Variants in IL12RB2 observed in about 807,000 individuals in gnomAD.
IL12RB2 encodes the protein interleukin 12 receptor subunit beta 2, also known as interleukin-12 receptor subunit beta-2.
Under a neutral mutation model 89.4 loss-of-function variants are expected in IL12RB2, and 82 were observed. The observed-to-expected ratio is 0.92, with a 90% CI of 0.77 to 1.10. The LOEUF is 1.10. IL12RB2 is among the 50% of genes least tolerant of loss of function. IL12RB2 has a pLI of 0.00. For missense variants in IL12RB2, 963 were observed against 1,031.9 expected (o/e 0.93, Z 0.92); for synonymous variants, 368 against 370.1 (o/e 0.99, Z 0.07).
At chr1:67,326,083 T>A (rs1657245336) in intron 4 of IL12RB2, among the ~76,000 whole-genome samples, 1 of 152,226 alleles carries the variant, frequency 6.6e-6, no homozygotes, top group Non-Finnish European at 1.5e-5. Context: ...GTCCATAAAG[T>A]GCTCCAAGAG....
In IL12RB2 at chr1:67,330,659, G is replaced by GACCTTT; in HGVS notation, c.808-1_808insACCTTT (p.Met269_Val270insThrPhe). On this transcript the variant is annotated inframe_insertion and splice_region_variant. Transcript: ENST00000674203. ...CACTTTAAAAAAATGTCTGTTTCAA[G>GACCTTT]GTTAATGTTACAAAGGCCAAAGGAA... 6.8e-7 allele frequency: 1 copy of GACCTTT among 1,481,238 alleles called. No individual in the cohort carries two copies. The highest frequency in any genetic ancestry group is 1.1e-5 in the South Asian group (1 of 88,388). The allele number at this position is 1,481,238 out of a possible 1,614,324, so 91.8% of individuals were successfully genotyped here. A position where few individuals can be genotyped will look rare whatever the true frequency, so the allele number is the denominator to read the frequency against.
At chr1:67,320,658 C>G (rs575324787) in intron 3 of IL12RB2, among the ~76,000 whole-genome samples, 1 of 152,256 alleles carries the variant, frequency 6.6e-6, no homozygotes, top group African/African-American at 2.4e-5. Context: ...TATTTTATTT[C>G]TTCCTAAGAA....
chr1:67,376,532 T>C (rs1664009535), intron 13 of IL12RB2, among the ~76,000 whole-genome samples: 1 of 152,184 alleles, frequency 6.6e-6, no homozygotes, highest in Non-Finnish European at 1.5e-5. Flanking sequence ...ATGGCCTCTT[T>C]TATCTCTGCC....
chr1:67,381,641 C>T (rs904793810), intron 14 of IL12RB2, among the ~76,000 whole-genome samples: 16 of 152,106 alleles, frequency 1.1e-4, no homozygotes, highest in Non-Finnish European at 2.2e-4. Context: ...TGGCGGGCGC[C>T]TGTAGTCCTG....
intron 16 of IL12RB2, among the ~76,000 whole-genome samples, chr1:67,393,642 C>T (rs549893869): frequency 2.0e-3 from 307 of 152,292 alleles, no homozygotes; most frequent in African/African-American, 7.1e-3. Flanking sequence ...TGGCGGGGCC[C>T]TTTGTGGAAA....
At chr1:67,382,610 C>G (rs1664720431) in intron 14 of IL12RB2, among the ~76,000 whole-genome samples, 1 of 152,052 alleles carries the variant, frequency 6.6e-6, no homozygotes, top group South Asian at 2.1e-4. Flanking sequence ...ACTGGCTGTT[C>G]CCTCCTTCCA....
chr1:67,371,476 G>A (rs893642940), intron 11 of IL12RB2, among the ~76,000 whole-genome samples: 10 of 150,976 alleles, frequency 6.6e-5, no homozygotes, highest in East Asian at 5.8e-4. Flanking sequence ...GCTACCTATC[G>A]GCAGGGCATT....
At chr1:67,348,577 C>T (rs1318291961) in intron 9 of IL12RB2, among the ~76,000 whole-genome samples, 2 of 151,834 alleles carry the variant, frequency 1.3e-5, no homozygotes, top group Non-Finnish European at 1.5e-5. Flanking sequence ...TTGGTGGTTC[C>T]TTGATGATAT....
At chr1:67,323,113 T>C (rs908002874) in intron 4 of IL12RB2, among the ~76,000 whole-genome samples, 2 of 152,130 alleles carry the variant, frequency 1.3e-5, no homozygotes, top group Non-Finnish European at 2.9e-5. Flanking sequence ...CCAGGAAAGA[T>C]GGAAACCTCC....
At chr1:67,388,612 G>A (rs1665481468) in intron 15 of IL12RB2, among the ~76,000 whole-genome samples, 1 of 152,126 alleles carries the variant, frequency 6.6e-6, no homozygotes, top group African/African-American at 2.4e-5. Flanking sequence ...CCAAAGTGCT[G>A]GGATTACAGG....
chr1:67,347,154 A>G (rs1397130383), intron 9 of IL12RB2, among the ~76,000 whole-genome samples: 1 of 152,196 alleles, frequency 6.6e-6, no homozygotes, highest in African/African-American at 2.4e-5. Flanking sequence ...GAAGCAAAGG[A>G]TCTGCTCTAA....
chr1:67,318,520 T>G (rs1656083317), intron 2 of IL12RB2, among the ~76,000 whole-genome samples: 1 of 152,068 alleles, frequency 6.6e-6, no homozygotes, highest in Admixed American at 6.6e-5. Context: ...AGAAGTGCAT[T>G]GATCTGTAAC....
intron 14 of IL12RB2, among the ~76,000 whole-genome samples, chr1:67,386,208 C>CAA (rs755471388): frequency 0.26 from 14,120 of 54,290 alleles, 2,492 homozygotes; most frequent in East Asian, 0.35. Flanking sequence ...GACTCCATCT[C>CAA]AAAAAAAAAA....
At chr1:67,308,091 CTCTT>C (rs1400514510) in intron 1 of IL12RB2, 124 bp downstream of exon 1, 2 of 125,958 alleles carry the variant, frequency 1.6e-5, no homozygotes, top group Non-Finnish European at 3.4e-5. Context: ...GACGGCTTCT[CTCTT>C]TATATATATA....
At chr1:67,314,616 A>G (rs1015428361) in intron 2 of IL12RB2, among the ~76,000 whole-genome samples, 2 of 152,178 alleles carry the variant, frequency 1.3e-5, no homozygotes, top group Admixed American at 1.3e-4. Context: ...CAGAAGAAAA[A>G]TAATTTGGAA....
chr1:67,361,898 G>GA (rs1254801990), intron 10 of IL12RB2, among the ~76,000 whole-genome samples: 1 of 152,014 alleles, frequency 6.6e-6, no homozygotes, highest in Non-Finnish European at 1.5e-5. Context: ...CAAAGATAAA[G>GA]AAAAAACTCT....
intron 13 of IL12RB2, among the ~76,000 whole-genome samples, chr1:67,374,960 G>A (rs1570128629): frequency 6.6e-6 from 1 of 152,002 alleles, no homozygotes; most frequent in Admixed American, 6.6e-5. Flanking sequence ...TAAGCTAAAA[G>A]GGGAGGGAGA....
intron 15 of IL12RB2, 39 bp downstream of exon 15, chr1:67,386,708 T>C: frequency 7.6e-7 from 1 of 1,318,672 alleles, no homozygotes. Context: ...AAATGAGGCT[T>C]TTAAAAAATG....
intron 11 of IL12RB2, among the ~76,000 whole-genome samples, chr1:67,369,562 T>C (rs140397944): frequency 0.015 from 2,334 of 152,268 alleles, 59 homozygotes; most frequent in African/African-American, 0.054. Flanking sequence ...TCAAATCAGG[T>C]GAAAGTGAAT....
Sources: allele counts gnomAD v4.1 joint callset (sites outside exome capture counted in the v4.1 genomes callset), GRCh38; gene constraint gnomAD v4.1.1; transcripts MANE v1.5; gene names NCBI Gene and HGNC (gene_info 2026-07-23, HGNC 2026-07-21).